Variants in DPYS observed in about 807,000 individuals in gnomAD.
DPYS encodes the protein dihydropyrimidine amidohydrolase.
Under a neutral mutation model 50.3 loss-of-function variants are expected in DPYS, and 39 were observed. That is an observed-to-expected ratio of 0.78 (90% CI 0.60 to 1.01). DPYS has a LOEUF of 1.01. DPYS is among the 50% of genes least tolerant of loss of function. The probability of loss-of-function intolerance (pLI) is 0.00; values close to 1 mark genes in which losing one functional copy is unlikely to be tolerated. For missense variants in DPYS, 659 were observed against 680.9 expected, an observed-to-expected ratio of 0.97 and a Z score of 0.36; for synonymous variants, 245 against 250.7, an observed-to-expected ratio of 0.98 and a Z score of 0.22.
At chr8:104,380,456 A>G (rs754499129) in intron 9 of DPYS, 2 of 152,708 alleles carry the variant, frequency 1.3e-5, no homozygotes, top group Non-Finnish European at 2.9e-5. Context: ...TGTAGATTTC[A>G]TGAAGTCAGT....
At chr8:104,437,398 G>A (rs1348019268) in intron 4 of DPYS, among the ~76,000 whole-genome samples, 1 of 152,150 alleles carries the variant, frequency 6.6e-6, no homozygotes, top group Non-Finnish European at 1.5e-5. Flanking sequence ...GACAACTAGA[G>A]TGACCTCTGG....
intron 7 of DPYS, among the ~76,000 whole-genome samples, chr8:104,412,408 T>G (rs1438693854): frequency 6.6e-6 from 1 of 152,152 alleles, no homozygotes; most frequent in Non-Finnish European, 1.5e-5. Context: ...TACTGATTAA[T>G]AGGAAACAGT....
intron 4 of DPYS, among the ~76,000 whole-genome samples, chr8:104,437,201 G>T (rs1196827561): frequency 6.6e-6 from 1 of 152,168 alleles, no homozygotes; most frequent in Non-Finnish European, 1.5e-5. Flanking sequence ...TCGTCAGATT[G>T]ATAAAGCCCT....
intron 7 of DPYS, among the ~76,000 whole-genome samples, chr8:104,405,065 C>A (rs1346120465): frequency 6.6e-6 from 1 of 151,944 alleles, no homozygotes; most frequent in South Asian, 2.1e-4. Flanking sequence ...CTAAAAGGAG[C>A]GAGAACAAAA....
chr8:104,430,363 C>CA (rs71577916), intron 4 of DPYS, among the ~76,000 whole-genome samples: 41,187 of 148,006 alleles, frequency 0.28, 5,825 homozygotes, highest in African/African-American at 0.33. Context: ...ATGAGGCCAT[C>CA]AAAAAAAAAA....
At chr8:104,410,000 T>G (rs776739226) in intron 7 of DPYS, among the ~76,000 whole-genome samples, 3 of 152,186 alleles carry the variant, frequency 2.0e-5, no homozygotes, top group Non-Finnish European at 4.4e-5. Flanking sequence ...GGGTGTTCCT[T>G]ATCTGTCTAA....
At chr8:104,441,341 C>A (rs998837715) in intron 4 of DPYS, among the ~76,000 whole-genome samples, 1 of 152,112 alleles carries the variant, frequency 6.6e-6, no homozygotes. Flanking sequence ...CCTCAAGATA[C>A]CCATTTTGTG....
intron 7 of DPYS, among the ~76,000 whole-genome samples, chr8:104,396,071 T>C (rs1457081151): frequency 6.6e-6 from 1 of 152,208 alleles, no homozygotes; most frequent in African/African-American, 2.4e-5. Context: ...ATTATGGTGA[T>C]GAAAGATACA....
chr8:104,386,603 ATTTTCTTTTTTT>A (rs1434648109), intron 8 of DPYS, among the ~76,000 whole-genome samples: 1 of 145,934 alleles, frequency 6.9e-6, no homozygotes, highest in Non-Finnish European at 1.5e-5. Flanking sequence ...GGGATGCTAG[ATTTTCTTTTTTT>A]TTTTCTTTTT....
intron 8 of DPYS, among the ~76,000 whole-genome samples, chr8:104,384,131 C>T (rs1174963407): frequency 2.6e-5 from 4 of 152,212 alleles, no homozygotes; most frequent in East Asian, 1.9e-4. Flanking sequence ...GCCACACCTG[C>T]GTGCACGGCC....
At chr8:104,425,110 G>A (rs558917070) in intron 6 of DPYS, among the ~76,000 whole-genome samples, 15 of 152,158 alleles carry the variant, frequency 9.9e-5, no homozygotes, top group African/African-American at 3.1e-4. Flanking sequence ...GATTACAGGC[G>A]TGAGCCACTG....
chr8:104,398,168 T>C (rs1257159513), intron 7 of DPYS, among the ~76,000 whole-genome samples: 1 of 152,252 alleles, frequency 6.6e-6, no homozygotes, highest in Non-Finnish European at 1.5e-5. Flanking sequence ...GCATGTGACC[T>C]GGGCTCCTTC....
chr8:104,442,155 G>A (rs758276752), intron 4 of DPYS, among the ~76,000 whole-genome samples: 4 of 152,168 alleles, frequency 2.6e-5, no homozygotes, highest in African/African-American at 9.7e-5. Context: ...CTTGGGCCAT[G>A]TAAATATTTT....
chr8:104,388,494 C>T (rs1811283961), intron 8 of DPYS, among the ~76,000 whole-genome samples: 1 of 152,190 alleles, frequency 6.6e-6, no homozygotes, highest in African/African-American at 2.4e-5. Flanking sequence ...ACTTAAAGAG[C>T]TATATATTTT....
chr8:104,422,630 T>C (rs1267384504), intron 7 of DPYS, among the ~76,000 whole-genome samples: 1 of 152,238 alleles, frequency 6.6e-6, no homozygotes, highest in Non-Finnish European at 1.5e-5. Context: ...AGTATGATGC[T>C]CCCTGATGTT....
At chr8:104,458,100 T>C (rs911400783) in intron 1 of DPYS, among the ~76,000 whole-genome samples, 3 of 152,170 alleles carry the variant, frequency 2.0e-5, no homozygotes, top group Non-Finnish European at 4.4e-5. Flanking sequence ...AGGTTACCAC[T>C]GTGAGCAACC....
At chr8:104,399,932 C>T (rs1811739766) in intron 7 of DPYS, among the ~76,000 whole-genome samples, 1 of 149,776 alleles carries the variant, frequency 6.7e-6, no homozygotes, top group Admixed American at 6.6e-5. Flanking sequence ...TCTGACAAGA[C>T]CCTTAGGCAT....
At chr8:104,430,955 T>A (rs1812934308) in intron 4 of DPYS, among the ~76,000 whole-genome samples, 1 of 152,096 alleles carries the variant, frequency 6.6e-6, no homozygotes, top group African/African-American at 2.4e-5. Context: ...AAATATAGAA[T>A]ATGCCCAATC....
chr8:104,452,433 G>A (rs1813777868), intron 1 of DPYS, among the ~76,000 whole-genome samples: 1 of 152,188 alleles, frequency 6.6e-6, no homozygotes, highest in Non-Finnish European at 1.5e-5. Flanking sequence ...CTTATTCGCT[G>A]TGGTAATCTC....
Sources: gnomAD v4.1 joint callset for allele counts (sites outside exome capture counted in the v4.1 genomes callset) on GRCh38, gnomAD v4.1.1 for gene constraint, MANE v1.5 for transcripts, NCBI Gene and HGNC (gene_info 2026-07-23, HGNC 2026-07-21) for gene names.